DYNC2I2: variants seen among roughly 807,000 people sequenced by gnomAD.
The protein encoded by DYNC2I2 is cytoplasmic dynein 2 intermediate chain 2.
A neutral mutation model predicts 52.0 loss-of-function variants in DYNC2I2; 39 were observed. The ratio of observed to expected loss-of-function variants is 0.75; its 90% CI spans 0.58 to 0.98. The LOEUF (loss-of-function observed/expected upper bound fraction) is 0.98. DYNC2I2 is among the 50% of genes least tolerant of loss of function. The pLI is 0.00. For missense variants in DYNC2I2, 743 were observed against 728.4 expected, an observed-to-expected ratio of 1.02 and a Z score of -0.23; for synonymous variants, 359 against 321.1, an observed-to-expected ratio of 1.12 and a Z score of -1.26.
At position 128,656,833 on chromosome 9, in the gene DYNC2I2, A is replaced by G; in HGVS notation, c.-107T>C. The G allele has an allele frequency of 8.6e-7, 1 of 1,168,442 alleles. No homozygotes were observed. Among genetic ancestry groups the G allele is most frequent in the Non-Finnish European group, 1.1e-6 (1 of 899,638 alleles). The allele number at this position is 1,168,442 out of a possible 1,614,324, so 72.4% of individuals were successfully genotyped here. On this transcript the variant is annotated 5_prime_UTR_variant, in exon 1 of 9. Transcript: ENST00000372715. ...GTGAGGCTGACGGCGCCATGTTTGA[A>G]TTGGTCGCAGCGCCTCCTGCAAGAC... is the stretch of plus-strand genomic sequence containing the variant.
intron 2 of DYNC2I2, among the ~76,000 whole-genome samples, chr9:128,640,140 T>C (rs1254943265): frequency 1.3e-5 from 2 of 151,772 alleles, no homozygotes; most frequent in African/African-American, 4.8e-5. Context: ...CCAGAGTAGC[T>C]AGGACTATAG....
Position 128,656,717 on chromosome 9 carries a change from G to C in DYNC2I2, c.10C>G (p.Arg4Gly), listed in dbSNP as rs868218767. 17 of 1,422,094 alleles carry C rather than the reference G, an allele frequency of 1.2e-5. No individual in the cohort carries two copies. Among genetic ancestry groups the C allele is most frequent in the East Asian group, 2.8e-5 (1 of 35,196 alleles). 88.1% of individuals were successfully genotyped at this position (1,422,094 alleles called of 1,614,324 possible). Residue 4 changes from arginine (R) to glycine (G), a missense_variant, in exon 1 of 9, where the codon CGC becomes GGC. Arg to Gly is a moderately radical substitution (Grantham distance 125). Coordinates refer to ENST00000372715, the MANE Select transcript of DYNC2I2 (RefSeq NM_052844.4). The part of the protein sequence containing the change: MAT[R>G]AQPGPLSQAG... ...TGGCTGAGTGGCCCCGGCTGCGCGC[G>C]GGTTGCCATGGAGACGGTTCCGCCC...
intron 1 of DYNC2I2, 119 bp from the exon 2 acceptor site, chr9:128,641,058 G>A: frequency 1.4e-6 from 2 of 1,426,786 alleles, no homozygotes; most frequent in Non-Finnish European, 1.8e-6. Context: ...TCAGGCTAGG[G>A]GCCTCTCTCA....
In DYNC2I2 at chr9:128,649,300, C is replaced by A. The variant is rs185231639; in HGVS notation, c.186+7241G>T. On this transcript the variant is annotated intron_variant, in intron 1 of 8. Coordinates refer to ENST00000372715, the MANE Select transcript of DYNC2I2 (RefSeq NM_052844.4). ...ACTCTACAGAATTTTCCAAATTAGC[C>A]AGGCGCGATGGTGTGCACCTGTAGT... Among the ~76,000 whole-genome samples, 8 of 152,168 alleles carry A rather than the reference C, an allele frequency of 5.3e-5. No individual in the cohort carries two copies. In the East Asian group the frequency reaches 1.5e-3, roughly 29 times the overall value.
intron 6 of DYNC2I2, 34 bp downstream of exon 6, chr9:128,635,058 C>G (rs770390295): frequency 3.1e-6 from 5 of 1,595,362 alleles, no homozygotes; most frequent in Non-Finnish European, 4.3e-6. Flanking sequence ...GGCTCACCGG[C>G]GCAGGCCAGG....
At chr9:128,682,707 G>A in the DYNC2I2 span, among the ~76,000 whole-genome samples, 4 of 135,082 alleles carry the variant, frequency 3.0e-5, no homozygotes, top group Admixed American at 2.5e-4. Context: ...ACGGAGTCTC[G>A]CTCTGTCGCC....
the DYNC2I2 span, chr9:128,683,948 C>T: frequency 1.9e-6 from 3 of 1,557,438 alleles, no homozygotes; most frequent in Non-Finnish European, 2.6e-6. Flanking sequence ...AAACCAAGAC[C>T]ACCTCCTGCT....
Position 128,633,918 on chromosome 9 carries a change from G to A in DYNC2I2, c.1437C>T (p.Thr479=), listed in dbSNP as rs35665347. The A allele has an allele frequency of 1.7e-5, 27 of 1,613,106 alleles. No individual in the cohort carries two copies. The highest frequency in any genetic ancestry group is 2.2e-5 in the Non-Finnish European group (26 of 1,180,046). ...SQKPTVLIKQ[T]QDESPVYCLE... Reference sequence around the variant, plus strand: ...GACAGTAGACAGGGCTTTCATCCTGGGTTTGCTTGATCAAAACTGTGGGTT... The same window carrying A: ...GACAGTAGACAGGGCTTTCATCCTGAGTTTGCTTGATCAAAACTGTGGGTT... The change falls in exon 9 of 9, where the codon ACC becomes ACT. Residue 479 remains threonine (T), a synonymous_variant. Transcript: ENST00000372715.
intron 1 of DYNC2I2, among the ~76,000 whole-genome samples, chr9:128,652,939 C>G (rs565891578): frequency 6.8e-6 from 1 of 147,882 alleles, no homozygotes; most frequent in East Asian, 2.0e-4. Flanking sequence ...AAGTAAGTAC[C>G]AAGAGTGCCA....
chr9:128,678,487 G>A, the DYNC2I2 span, among the ~76,000 whole-genome samples: 1 of 97,868 alleles, frequency 1.0e-5, no homozygotes, highest in African/African-American at 4.1e-5. Flanking sequence ...TGGAGACAGA[G>A]TCTTGCTCTT....
chr9:128,672,839 A>G, the DYNC2I2 span, among the ~76,000 whole-genome samples: 2 of 152,134 alleles, frequency 1.3e-5, no homozygotes. Flanking sequence ...CCTGGCTAAC[A>G]TGGTGAAACC....
At chr9:128,637,100 C>G in intron 2 of DYNC2I2, 73 bp from the exon 3 acceptor site, 1 of 1,063,480 alleles carries the variant, frequency 9.4e-7, no homozygotes, top group Middle Eastern at 2.0e-4. Context: ...CAAACCCCAC[C>G]TAGGCCAGGC....
the DYNC2I2 span, chr9:128,683,638 C>T: frequency 2.2e-5 from 9 of 411,494 alleles, no homozygotes; most frequent in Non-Finnish European, 4.0e-5. Context: ...AACTTGCCCC[C>T]TCCCCCAAAG....
At chr9:128,642,788 C>A (rs1860543107) in intron 1 of DYNC2I2, among the ~76,000 whole-genome samples, 1 of 152,016 alleles carries the variant, frequency 6.6e-6, no homozygotes, top group Non-Finnish European at 1.5e-5. Context: ...CATCTACTTG[C>A]CAGGCATTGT....
At chr9:128,680,458 A>G in the DYNC2I2 span, among the ~76,000 whole-genome samples, 2 of 151,516 alleles carry the variant, frequency 1.3e-5, no homozygotes, top group African/African-American at 2.4e-5. Flanking sequence ...GCTCACTGAA[A>G]GCTCCACCTC....
At chr9:128,675,048 G>A in the DYNC2I2 span, among the ~76,000 whole-genome samples, 13 of 152,224 alleles carry the variant, frequency 8.5e-5, no homozygotes, top group South Asian at 1.0e-3. Context: ...CTTCCTGAGC[G>A]GTCTGTTTTC....
In DYNC2I2 at chr9:128,634,070, G is replaced by T. The variant is rs569317594; in HGVS notation, c.1373-88C>A. On this transcript the variant is annotated intron_variant, in intron 8 of 8. Transcript: ENST00000372715. ...GAGGCTAATGCCCGGGTTCAATCCT[G>T]TTGTGTGCAGCCACAGTGGCTTTGA... 4 of 1,560,974 alleles carry T rather than the reference G, an allele frequency of 2.6e-6. No individual in the cohort carries two copies. In the East Asian group the frequency reaches 9.0e-5, roughly 35 times the overall value.
chr9:128,683,631 T>A, the DYNC2I2 span: 1 of 403,154 alleles, frequency 2.5e-6, no homozygotes, highest in Non-Finnish European at 4.5e-6. Flanking sequence ...AAGGAAGAAC[T>A]TGCCCCCTCC....
intron 1 of DYNC2I2, among the ~76,000 whole-genome samples, chr9:128,648,611 C>G (rs1860662952): frequency 6.8e-6 from 1 of 146,964 alleles, no homozygotes; most frequent in Non-Finnish European, 1.5e-5. Context: ...CATGGTGAAG[C>G]CCTATCTCTA....
Sources: allele counts gnomAD v4.1 joint callset (sites outside exome capture counted in the v4.1 genomes callset), GRCh38; gene constraint gnomAD v4.1.1; transcripts MANE v1.5; gene names NCBI Gene and HGNC (gene_info 2026-07-23, HGNC 2026-07-21).